GALNTL6: variants seen among roughly 807,000 people sequenced by gnomAD.
The protein encoded by GALNTL6 is polypeptide N-acetylgalactosaminyltransferase-like 6.
A neutral mutation model predicts 73.7 loss-of-function variants in GALNTL6; 46 were observed. The ratio of observed to expected loss-of-function variants is 0.62; its 90% CI spans 0.49 to 0.80. The LOEUF is 0.80. GALNTL6 is among the 30% of genes least tolerant of loss of function. The probability of loss-of-function intolerance (pLI) is 0.00; values close to 1 mark genes in which losing one functional copy is unlikely to be tolerated. For missense variants in GALNTL6, 604 were observed against 755.0 expected, an observed-to-expected ratio of 0.80 and a Z score of 2.34; for synonymous variants, 259 against 263.7, an observed-to-expected ratio of 0.98 and a Z score of 0.17.
chr4:171,962,991 C>T (rs1739271518), intron 2 of GALNTL6, among the ~76,000 whole-genome samples: 1 of 151,454 alleles, frequency 6.6e-6, no homozygotes, highest in Non-Finnish European at 1.5e-5. Flanking sequence ...TGGTCTCAAT[C>T]TCTTGACCTT....
chr4:172,556,605 C>G (rs1387213607), intron 5 of GALNTL6, among the ~76,000 whole-genome samples: 1 of 151,980 alleles, frequency 6.6e-6, no homozygotes. Flanking sequence ...TCTGGTAACT[C>G]TGTACCCTGA....
intron 2 of GALNTL6, among the ~76,000 whole-genome samples, chr4:172,063,464 T>C (rs926862933): frequency 1.5e-5 from 2 of 133,628 alleles, no homozygotes; most frequent in African/African-American, 5.7e-5. Context: ...ATAACTACTT[T>C]TTTTAAAGAA....
intron 5 of GALNTL6, among the ~76,000 whole-genome samples, chr4:172,687,010 C>T (rs1264546492): frequency 6.6e-6 from 1 of 152,124 alleles, no homozygotes. Context: ...GGGAAGGGGA[C>T]GAGGCTCTGA....
intron 2 of GALNTL6, among the ~76,000 whole-genome samples, chr4:171,943,644 G>C (rs933254028): frequency 6.6e-6 from 1 of 152,104 alleles, no homozygotes; most frequent in Non-Finnish European, 1.5e-5. Flanking sequence ...GTATTTGCTT[G>C]CTACTTGATT....
chr4:172,111,517 CTGATA>C (rs1732850426), intron 2 of GALNTL6, among the ~76,000 whole-genome samples: 1 of 151,936 alleles, frequency 6.6e-6, no homozygotes, highest in Admixed American at 6.6e-5. Flanking sequence ...ATTTTTCTGT[CTGATA>C]TGAGAAACTT....
At chr4:172,126,196 A>G (rs1436570082) in intron 2 of GALNTL6, among the ~76,000 whole-genome samples, 2 of 152,218 alleles carry the variant, frequency 1.3e-5, no homozygotes, top group African/African-American at 4.8e-5. Context: ...GTTTTTCTAT[A>G]AAACTTAAGA....
intron 3 of GALNTL6, among the ~76,000 whole-genome samples, chr4:172,247,568 G>A (rs1342301654): frequency 6.6e-6 from 1 of 152,014 alleles, no homozygotes; most frequent in East Asian, 1.9e-4. Context: ...GACACAAATG[G>A]GCTTCTACAT....
chr4:171,925,342 T>G (rs1409787273), intron 2 of GALNTL6, among the ~76,000 whole-genome samples: 1 of 152,048 alleles, frequency 6.6e-6, no homozygotes, highest in East Asian at 1.9e-4. Context: ...AGGCAATAAC[T>G]GTGGTTAGGA....
intron 2 of GALNTL6, among the ~76,000 whole-genome samples, chr4:171,937,135 A>C (rs552163765): frequency 1.3e-5 from 2 of 152,274 alleles, no homozygotes; most frequent in South Asian, 4.1e-4. Context: ...GTCAGACTTG[A>C]AAGGGAACTA....
At chr4:172,254,024 T>G (rs928316630) in intron 3 of GALNTL6, among the ~76,000 whole-genome samples, 3 of 151,830 alleles carry the variant, frequency 2.0e-5, no homozygotes, top group Admixed American at 1.3e-4. Flanking sequence ...TTAAATGGTC[T>G]GTCACCCAAA....
At chr4:172,448,097 T>A (rs920649294) in intron 5 of GALNTL6, among the ~76,000 whole-genome samples, 20 of 152,160 alleles carry the variant, frequency 1.3e-4, no homozygotes, top group African/African-American at 4.1e-4. Flanking sequence ...GCTCTAGTCA[T>A]ATGCATGGTT....
chr4:172,704,994 G>A (rs994679724), intron 5 of GALNTL6, among the ~76,000 whole-genome samples: 1 of 152,016 alleles, frequency 6.6e-6, no homozygotes, highest in Non-Finnish European at 1.5e-5. Context: ...TAACATGAAA[G>A]TATAGCTACT....
intron 2 of GALNTL6, among the ~76,000 whole-genome samples, chr4:172,157,152 A>G (rs1734312515): frequency 6.6e-6 from 1 of 152,210 alleles, no homozygotes; most frequent in African/African-American, 2.4e-5. Context: ...TATTCCAGCA[A>G]TTGAAAATTA....
intron 7 of GALNTL6, among the ~76,000 whole-genome samples, chr4:172,826,317 C>T (rs1333295559): frequency 6.6e-6 from 1 of 152,234 alleles, no homozygotes; most frequent in African/African-American, 2.4e-5. Context: ...TCAGCTGTTG[C>T]AGCACCTGCG....
intron 5 of GALNTL6, among the ~76,000 whole-genome samples, chr4:172,373,248 G>A (rs541334615): frequency 1.0e-3 from 159 of 152,334 alleles, no homozygotes; most frequent in African/African-American, 3.8e-3. Context: ...GAAACTGGGA[G>A]TCAGAGTGCA....
At chr4:172,480,310 C>G (rs914844649) in intron 5 of GALNTL6, among the ~76,000 whole-genome samples, 1 of 151,006 alleles carries the variant, frequency 6.6e-6, no homozygotes, top group African/African-American at 2.4e-5. Flanking sequence ...GAGGCCCTGT[C>G]TCAAAAAAGA....
chr4:172,001,921 T>C (rs1356846450), intron 2 of GALNTL6, among the ~76,000 whole-genome samples: 1 of 152,164 alleles, frequency 6.6e-6, no homozygotes, highest in African/African-American at 2.4e-5. Flanking sequence ...CTCTTTGCGA[T>C]TTTCCAGATA....
At chr4:172,066,099 A>T (rs1351626264) in intron 2 of GALNTL6, among the ~76,000 whole-genome samples, 1 of 152,220 alleles carries the variant, frequency 6.6e-6, no homozygotes, top group Non-Finnish European at 1.5e-5. Flanking sequence ...ACACATCATT[A>T]TCACCCAAAG....
intron 2 of GALNTL6, among the ~76,000 whole-genome samples, chr4:172,059,111 G>C (rs1392163225): frequency 6.6e-6 from 1 of 152,166 alleles, no homozygotes; most frequent in Non-Finnish European, 1.5e-5. Context: ...GCAGATTTCT[G>C]AGTTGCCTAG....
Sources: gnomAD v4.1 joint callset for allele counts (sites outside exome capture counted in the v4.1 genomes callset) on GRCh38, gnomAD v4.1.1 for gene constraint, MANE v1.5 for transcripts, NCBI Gene and HGNC (gene_info 2026-07-23, HGNC 2026-07-21) for gene names.